CSMD3: variants seen among roughly 807,000 people sequenced by gnomAD.
CSMD3 encodes the protein CUB and Sushi multiple domains 3, also known as CUB and sushi domain-containing protein 3.
In CSMD3, 177 loss-of-function variants were observed where a neutral mutation model predicts 435.2. The observed-to-expected ratio is 0.41, with a 90% CI of 0.36 to 0.46. The LOEUF (loss-of-function observed/expected upper bound fraction) is 0.46. Ranked by LOEUF, CSMD3 falls within the 20% of genes least tolerant of loss-of-function variation. The pLI, the probability that CSMD3 is intolerant of heterozygous loss-of-function variation, is 0.34. For missense variants in CSMD3, 4,265 were observed against 4,504.6 expected, an observed-to-expected ratio of 0.95 and a Z score of 1.52; for synonymous variants, 1,656 against 1,520.5, an observed-to-expected ratio of 1.09 and a Z score of -2.07.
Position 113,150,738 on chromosome 8 carries a change from A to G in CSMD3, c.709+22984T>C, listed in dbSNP as rs542614268. 2.6e-5 allele frequency among the ~76,000 whole-genome samples: 4 copies of G among 152,154 alleles called. No homozygotes were observed. The South Asian group carries it at 8.3e-4, about 32-fold the overall frequency. ...ATACATAACACATTGTATTAAATAT[A>G]ATTTATTCATTACCACTATATGTAT... On this transcript the variant is annotated intron_variant, in intron 4 of 70. Transcript: ENST00000297405.
At chr8:112,847,630 G>C (rs896816140) in intron 11 of CSMD3, among the ~76,000 whole-genome samples, 12 of 152,166 alleles carry the variant, frequency 7.9e-5, no homozygotes, top group South Asian at 2.1e-4. Flanking sequence ...GCTATAGTCT[G>C]CAGAAAAGTG....
chr8:112,605,015 T>C (rs1294815116), intron 22 of CSMD3, among the ~76,000 whole-genome samples: 1 of 152,076 alleles, frequency 6.6e-6, no homozygotes, highest in Middle Eastern at 3.2e-3. Flanking sequence ...ATGTGGCCAA[T>C]AAGCATATAA....
intron 1 of CSMD3, among the ~76,000 whole-genome samples, chr8:113,330,125 T>C (rs542833900): frequency 6.6e-5 from 10 of 152,070 alleles, no homozygotes; most frequent in Non-Finnish European, 1.5e-4. Flanking sequence ...CATTTCTGAA[T>C]AGTTTACAAC....
At chr8:112,730,419 T>C (rs1342085464) in intron 13 of CSMD3, among the ~76,000 whole-genome samples, 2 of 152,104 alleles carry the variant, frequency 1.3e-5, no homozygotes, top group Non-Finnish European at 2.9e-5. Flanking sequence ...TGGAAAATAG[T>C]TGGAAGTGAG....
At position 112,761,439 on chromosome 8, in the gene CSMD3, A is replaced by C. The variant is rs76530843; in HGVS notation, c.1972+38723T>G. 4.5e-3 allele frequency among the ~76,000 whole-genome samples: 683 copies of C among 152,180 alleles called. 8 individuals carry two copies. Among genetic ancestry groups the C allele is most frequent in the African/African-American group, 0.016 (660 of 41,540 alleles). Reference sequence around the variant, plus strand: ...TTACTGTCTGATCCACAATATTTTCAAAGTAAGCTACTAGGATCTATCTAT... The same window carrying C: ...TTACTGTCTGATCCACAATATTTTCCAAGTAAGCTACTAGGATCTATCTAT... On this transcript the variant is annotated intron_variant, in intron 13 of 70. Transcript: ENST00000297405.
At chr8:112,454,772 C>T (rs192882088) in intron 32 of CSMD3, among the ~76,000 whole-genome samples, 89 of 152,166 alleles carry the variant, frequency 5.8e-4, no homozygotes, top group Middle Eastern at 6.8e-3. Context: ...AGGAGGATTG[C>T]TTGAGCCTAG....
chr8:113,306,438 T>C (rs2093822063), intron 2 of CSMD3, among the ~76,000 whole-genome samples: 1 of 152,050 alleles, frequency 6.6e-6, no homozygotes, highest in Non-Finnish European at 1.5e-5. Flanking sequence ...ATCACTGGAG[T>C]GCACTGACAT....
intron 4 of CSMD3, among the ~76,000 whole-genome samples, chr8:113,099,892 A>C (rs1468759765): frequency 6.6e-6 from 1 of 152,094 alleles, no homozygotes; most frequent in African/African-American, 2.4e-5. Context: ...AAATTGTCTT[A>C]TTACTTATGT....
At chr8:112,934,358 G>T in intron 9 of CSMD3, among the ~76,000 whole-genome samples, 1 of 152,078 alleles carries the variant, frequency 6.6e-6, no homozygotes, top group Non-Finnish European at 1.5e-5. Context: ...AGTATGTTGA[G>T]CTTTTTGGGT....
chr8:112,344,926 A>G (rs1433706373), intron 41 of CSMD3, among the ~76,000 whole-genome samples: 2 of 152,176 alleles, frequency 1.3e-5, no homozygotes, highest in Non-Finnish European at 2.9e-5. Context: ...ATAGATTACT[A>G]GAAAATAATA....
chr8:112,635,411 C>T (rs1181082320), intron 22 of CSMD3, among the ~76,000 whole-genome samples: 1 of 151,906 alleles, frequency 6.6e-6, no homozygotes, highest in African/African-American at 2.4e-5. Flanking sequence ...CATTAAGTAC[C>T]TTCGAAAACA....
chr8:112,275,636 G>C (rs111307193), intron 59 of CSMD3, among the ~76,000 whole-genome samples: 2 of 152,096 alleles, frequency 1.3e-5, no homozygotes, highest in Non-Finnish European at 2.9e-5. Context: ...GAAGGTGGAA[G>C]GCACATCTTA....
chr8:113,309,541 C>A (rs1315019436), intron 2 of CSMD3: 1 of 152,278 alleles, frequency 6.6e-6, no homozygotes, highest in Non-Finnish European at 1.5e-5. Context: ...AACACTTACA[C>A]TTACATTTGA....
At chr8:113,136,520 A>G (rs2091422546) in intron 4 of CSMD3, among the ~76,000 whole-genome samples, 1 of 151,764 alleles carries the variant, frequency 6.6e-6, no homozygotes, top group Non-Finnish European at 1.5e-5. Flanking sequence ...CTTTCTTGTC[A>G]TGTTTAAGTC....
At chr8:112,750,988 A>G (rs1274248523) in intron 13 of CSMD3, among the ~76,000 whole-genome samples, 3 of 152,028 alleles carry the variant, frequency 2.0e-5, no homozygotes, top group African/African-American at 4.8e-5. Flanking sequence ...TGCAGGACTT[A>G]AGTATGCATG....
At chr8:113,376,614 AAAAG>A in intron 1 of CSMD3, 2 of 1,081,174 alleles carry the variant, frequency 1.8e-6, no homozygotes, top group Non-Finnish European at 2.8e-6. Flanking sequence ...AATCCTCATC[AAAAG>A]AAAGTTTACC....
At chr8:112,982,045 A>ATC (rs1161881655) in intron 6 of CSMD3, among the ~76,000 whole-genome samples, 1 of 151,868 alleles carries the variant, frequency 6.6e-6, no homozygotes, top group Non-Finnish European at 1.5e-5. Context: ...TGAAAATAGT[A>ATC]TCTCTCTCTC....
At chr8:113,084,265 C>T (rs1455527005) in intron 5 of CSMD3, among the ~76,000 whole-genome samples, 1 of 151,908 alleles carries the variant, frequency 6.6e-6, no homozygotes, top group Non-Finnish European at 1.5e-5. Context: ...TTTCAGGATA[C>T]AAAAACCAAC....
intron 6 of CSMD3, among the ~76,000 whole-genome samples, chr8:113,018,434 A>T (rs1443748154): frequency 6.6e-6 from 1 of 152,120 alleles, no homozygotes; most frequent in East Asian, 1.9e-4. Flanking sequence ...AAAGTAGCTG[A>T]TACACTACTG....
Sources: allele counts gnomAD v4.1 joint callset (sites outside exome capture counted in the v4.1 genomes callset), GRCh38; gene constraint gnomAD v4.1.1; transcripts MANE v1.5; gene names NCBI Gene and HGNC (gene_info 2026-07-23, HGNC 2026-07-21).